The following COL13A1 variants were observed in gnomAD, a reference collection of about 807,000 sequenced individuals.
COL13A1 encodes the protein collagen type XIII alpha 1 chain.
Under a neutral mutation model 130.9 loss-of-function variants are expected in COL13A1, and 89 were observed. The ratio of observed to expected loss-of-function variants is 0.68; its 90% CI spans 0.57 to 0.81. COL13A1 has a LOEUF of 0.81. Among genes scored for constraint, COL13A1 ranks in the 30% least tolerant of loss-of-function variants. The probability of loss-of-function intolerance (pLI) is 0.00; values close to 1 mark genes in which losing one functional copy is unlikely to be tolerated. For synonymous variants in COL13A1, 402 were observed against 341.6 expected (o/e 1.18, Z -1.95); for missense variants, 879 against 934.6 (o/e 0.94, Z 0.78).
intron 10 of COL13A1, among the ~76,000 whole-genome samples, chr10:69,892,677 C>T (rs759744375): frequency 2.6e-5 from 4 of 152,178 alleles, no homozygotes; most frequent in South Asian, 4.2e-4. Flanking sequence ...AGCACATCAC[C>T]GGTGGCCATG....
chr10:69,928,314 C>T (rs1288141231), intron 27 of COL13A1, among the ~76,000 whole-genome samples: 3 of 152,052 alleles, frequency 2.0e-5, no homozygotes, highest in African/African-American at 7.2e-5. Flanking sequence ...AAGTATCAAC[C>T]ACCCAATCAC....
chr10:69,906,219 G>C (rs1209265714), intron 17 of COL13A1, among the ~76,000 whole-genome samples: 1 of 152,250 alleles, frequency 6.6e-6, no homozygotes, highest in African/African-American at 2.4e-5. Context: ...GGAGAAGACA[G>C]CCTGAGAACT....
chr10:69,953,761 C>A (rs559527297), intron 39 of COL13A1, among the ~76,000 whole-genome samples: 2 of 152,210 alleles, frequency 1.3e-5, no homozygotes, highest in Non-Finnish European at 2.9e-5. Flanking sequence ...AAGCTGAACT[C>A]TCCAGAGCAC....
chr10:69,883,857 T>C (rs2060364801), intron 7 of COL13A1, among the ~76,000 whole-genome samples: 1 of 152,144 alleles, frequency 6.6e-6, no homozygotes. Flanking sequence ...TAGAAGAGAC[T>C]GCAGTGGGAG....
chr10:69,816,229 C>T (rs923567308), intron 1 of COL13A1, among the ~76,000 whole-genome samples: 18 of 145,254 alleles, frequency 1.2e-4, no homozygotes, highest in Admixed American at 2.8e-4. Flanking sequence ...ATCTCGGATG[C>T]GTCTGGCAGG....
intron 2 of COL13A1, among the ~76,000 whole-genome samples, chr10:69,857,327 G>A (rs1856713131): frequency 6.6e-6 from 1 of 152,188 alleles, no homozygotes; most frequent in Non-Finnish European, 1.5e-5. Context: ...GCTCTGCTTA[G>A]CTCAGCTCAC....
Position 69,932,838 on chromosome 10 carries a change from C to T in COL13A1, c.1728+234C>T, listed in dbSNP as rs12770259. ...ATCCTGGTGCTAGAGTCTGGAGATA[C>T]GAAAATAAACAGAACTTGCCGGGCA... On this transcript the variant is annotated intron_variant, in intron 31 of 40. Transcript: ENST00000645393. Among the ~76,000 whole-genome samples, 694 of 152,132 alleles carry T rather than the reference C, an allele frequency of 4.6e-3. 1 individual carries two copies. Among genetic ancestry groups the T allele is most frequent in the Non-Finnish European group, 7.4e-3 (503 of 68,002 alleles).
chr10:69,897,613 G>C, intron 13 of COL13A1: 1 of 1,489,252 alleles, frequency 6.7e-7, no homozygotes, highest in South Asian at 1.2e-5. Context: ...CACATCCCCA[G>C]GCCCCGGCAG....
rs758182418 is a variant in COL13A1 at position 69,952,887 on chromosome 10, GA to G, written c.2065del (p.Arg689GlyfsTer21). On this transcript the variant is annotated frameshift_variant, in exon 39 of 41. Transcript: ENST00000645393. LOFTEE classifies it high-confidence loss of function. ...PPGDKGNRGE[R>X]GKKGSRGPKG... ...GACTAAACCATTATTTACAGGGGGA[GA>G]GGGGGAAGAAAGGCTCTAGAGGGCC... 3.2e-6 allele frequency: 5 copies of G among 1,550,866 alleles called. No individual in the cohort carries two copies. Among genetic ancestry groups the G allele is most frequent in the Non-Finnish European group, 4.3e-6 (5 of 1,157,868 alleles).
chr10:69,901,041 G>A (rs953477363), intron 14 of COL13A1, among the ~76,000 whole-genome samples: 6 of 152,164 alleles, frequency 3.9e-5, no homozygotes, highest in African/African-American at 7.2e-5. Flanking sequence ...AGGAGGTTCC[G>A]GGACCCAAGC....
At chr10:69,832,921 G>A (rs1158412257) in intron 2 of COL13A1, among the ~76,000 whole-genome samples, 2 of 152,174 alleles carry the variant, frequency 1.3e-5, no homozygotes, top group Non-Finnish European at 2.9e-5. Context: ...AGCTGTAGTT[G>A]GGTTGGAAGT....
intron 40 of COL13A1, among the ~76,000 whole-genome samples, chr10:69,957,496 C>T (rs571167210): frequency 6.6e-6 from 1 of 152,332 alleles, no homozygotes; most frequent in African/African-American, 2.4e-5. Flanking sequence ...TCTACCACTC[C>T]CCTTGCATTT....
chr10:69,832,543 G>C (rs2132976465), intron 2 of COL13A1, among the ~76,000 whole-genome samples: 2 of 152,362 alleles, frequency 1.3e-5, no homozygotes, highest in Middle Eastern at 6.8e-3. Context: ...AGGATATTAT[G>C]GGAGGGGAGT....
chr10:69,814,494 A>G (rs1289160659), intron 1 of COL13A1, among the ~76,000 whole-genome samples: 1 of 152,022 alleles, frequency 6.6e-6, no homozygotes, highest in East Asian at 1.9e-4. Flanking sequence ...ACCAAACAAA[A>G]CAAGCTGGCA....
rs368265883 is a variant in COL13A1 at position 69,880,517 on chromosome 10, C to T, written c.477C>T (p.Asp159=). The T allele has an allele frequency of 4.6e-4, 744 of 1,613,170 alleles. 1 individual carries two copies. Among genetic ancestry groups the T allele is most frequent in the South Asian group, 2.4e-3 (221 of 91,050 alleles). The change falls in exon 7 of 41, where the codon GAC becomes GAT. Residue 159 remains aspartate, a synonymous_variant. Coordinates refer to ENST00000645393, the MANE Select transcript of COL13A1 (RefSeq NM_001368882.1). ...GQPGEKGSPG[D]AGLSIIGPRG... ...TCTCCCCGCAGGGGTCCCCCGGAGA[C>T]GCTGGGCTGTCCATCATTGGTCCCC... is the stretch of plus-strand genomic sequence containing the variant.
At chr10:69,929,141 C>G (rs1565095300) in intron 28 of COL13A1, 142 bp downstream of exon 28, 2 of 647,958 alleles carry the variant, frequency 3.1e-6, no homozygotes, top group African/African-American at 3.7e-5. Flanking sequence ...GACCCGCCCA[C>G]CCACCTCCCA....
intron 17 of COL13A1, among the ~76,000 whole-genome samples, chr10:69,916,644 C>G (rs3793830): frequency 6.6e-6 from 1 of 151,872 alleles, no homozygotes; most frequent in African/African-American, 2.4e-5. Context: ...GATGGTAGAG[C>G]GACCCCATGC....
intron 9 of COL13A1, among the ~76,000 whole-genome samples, chr10:69,888,601 G>A (rs2060840393): frequency 6.6e-6 from 1 of 152,090 alleles, no homozygotes; most frequent in Admixed American, 6.5e-5. Flanking sequence ...GTGGGGTGGG[G>A]GTGAGATCAG....
intron 3 of COL13A1, among the ~76,000 whole-genome samples, chr10:69,871,695 C>T (rs1185277538): frequency 6.6e-6 from 1 of 152,196 alleles, no homozygotes; most frequent in African/African-American, 2.4e-5. Context: ...AGGAGAGAAA[C>T]TGTATGTGAC....
Sources: gnomAD v4.1 joint callset for allele counts (sites outside exome capture counted in the v4.1 genomes callset) on GRCh38, gnomAD v4.1.1 for gene constraint, MANE v1.5 for transcripts, NCBI Gene and HGNC (gene_info 2026-07-23, HGNC 2026-07-21) for gene names.